RAB28: variants seen among roughly 807,000 people sequenced by gnomAD.
The protein encoded by RAB28 is ras-related protein Rab-28.
In RAB28, 24 loss-of-function variants were observed where a neutral mutation model predicts 31.7. The ratio of observed to expected loss-of-function variants is 0.76; its 90% CI spans 0.55 to 1.06. The LOEUF is 1.06. Among genes scored for constraint, RAB28 ranks in the 50% least tolerant of loss-of-function variants. The pLI is 0.00. For missense variants in RAB28, 254 were observed against 258.5 expected, an observed-to-expected ratio of 0.98 and a Z score of 0.12; for synonymous variants, 100 against 90.4, an observed-to-expected ratio of 1.11 and a Z score of -0.60.
chr4:13,378,073 C>T (rs1472153460), intron 5 of RAB28, among the ~76,000 whole-genome samples: 2 of 152,142 alleles, frequency 1.3e-5, no homozygotes, highest in Non-Finnish European at 2.9e-5. Context: ...TAAGAGTCTA[C>T]AGTTCAGGGG....
At chr4:13,478,799 T>G (rs1716479645) in intron 2 of RAB28, among the ~76,000 whole-genome samples, 1 of 151,724 alleles carries the variant, frequency 6.6e-6, no homozygotes, top group Non-Finnish European at 1.5e-5. Context: ...TTGTTATTAT[T>G]TCCCCGTATT....
chr4:13,437,511 GA>G lies in RAB28; in HGVS notation c.391+23187del, dbSNP rs372341356. On this transcript the variant is annotated intron_variant, in intron 4 of 6. Transcript: ENST00000330852. ...GAATCTGTAAGGAATTTAAGTCAAG[GA>G]AAAAAAAATAACCGCAACAAAAAGT... Among the ~76,000 whole-genome samples, 191 of 149,132 alleles carry G rather than the reference GA, an allele frequency of 1.3e-3. 2 individuals are homozygous for G. Among genetic ancestry groups the G allele is most frequent in the African/African-American group, 4.3e-3 (177 of 40,760 alleles).
chr4:13,438,218 A>C (rs555002631), intron 4 of RAB28, among the ~76,000 whole-genome samples: 1 of 152,332 alleles, frequency 6.6e-6, no homozygotes, highest in African/African-American at 2.4e-5. Flanking sequence ...CTATAAGACT[A>C]TAAACCATAT....
At chr4:13,438,268 T>A (rs901666028) in intron 4 of RAB28, among the ~76,000 whole-genome samples, 18 of 152,188 alleles carry the variant, frequency 1.2e-4, no homozygotes, top group African/African-American at 4.3e-4. Flanking sequence ...ATAGAATCTT[T>A]CAAAATTGAG....
intron 4 of RAB28, among the ~76,000 whole-genome samples, chr4:13,422,481 A>G (rs889209594): frequency 6.6e-6 from 1 of 152,218 alleles, no homozygotes; most frequent in African/African-American, 2.4e-5. Context: ...CACAATAGCA[A>G]AGACTTGGAA....
chr4:13,402,196 A>G (rs1711807903), intron 4 of RAB28, among the ~76,000 whole-genome samples: 1 of 152,220 alleles, frequency 6.6e-6, no homozygotes, highest in Admixed American at 6.5e-5. Flanking sequence ...TGCACTTGAA[A>G]GCATATATTC....
chr4:13,424,662 A>T (rs1713373669), intron 4 of RAB28, among the ~76,000 whole-genome samples: 1 of 152,126 alleles, frequency 6.6e-6, no homozygotes, highest in Admixed American at 6.5e-5. Context: ...GACTTTCCAA[A>T]TGTCACCAGA....
chr4:13,428,683 A>C (rs1713645336), intron 4 of RAB28, among the ~76,000 whole-genome samples: 1 of 152,194 alleles, frequency 6.6e-6, no homozygotes, highest in South Asian at 2.1e-4. Context: ...GTGGGAGAGC[A>C]CCAAGTATTC....
intron 4 of RAB28, among the ~76,000 whole-genome samples, chr4:13,432,088 G>GA (rs1345452263): frequency 6.6e-6 from 1 of 151,980 alleles, no homozygotes; most frequent in Non-Finnish European, 1.5e-5. Context: ...GCTATATTAA[G>GA]AAAAAACCAA....
intron 4 of RAB28, among the ~76,000 whole-genome samples, chr4:13,455,670 G>A (rs969716303): frequency 4.6e-5 from 7 of 152,222 alleles, no homozygotes. Flanking sequence ...CCGGAGCAAG[G>A]CAGCTGTGTG....
rs1729132746 is a variant in RAB28, at chr4:13,381,603, G to C, written c.392-9C>G. 6.3e-7 allele frequency: 1 copy of C among 1,590,906 alleles called. No homozygotes were observed. The highest frequency in any genetic ancestry group is 8.6e-7 in the Non-Finnish European group (1 of 1,164,786). ...CATATGCTCCAAATCAACTAGAAAG[G>C]TGTTAAAGAAAGAAAATAATTCAAT... On this transcript the variant is annotated splice_polypyrimidine_tract_variant and intron_variant, in intron 4 of 6. Transcript: ENST00000330852.
chr4:13,378,050 G>A (rs1487508518), intron 5 of RAB28, among the ~76,000 whole-genome samples: 4 of 152,138 alleles, frequency 2.6e-5, no homozygotes, highest in Admixed American at 6.5e-5. Flanking sequence ...GATGCTGAGC[G>A]GGCAGTTGGA....
At chr4:13,388,595 G>A (rs1729489070) in intron 4 of RAB28, among the ~76,000 whole-genome samples, 1 of 151,824 alleles carries the variant, frequency 6.6e-6, no homozygotes, top group African/African-American at 2.4e-5. Flanking sequence ...CTACAAAATG[G>A]GAGAAGATAT....
At chr4:13,407,413 C>T (rs370085351) in intron 4 of RAB28, among the ~76,000 whole-genome samples, 2 of 152,150 alleles carry the variant, frequency 1.3e-5, no homozygotes, top group Admixed American at 6.6e-5. Context: ...ACTGCAGCCC[C>T]GTAGTAGGAT....
chr4:13,469,269 T>C (rs867985026), intron 3 of RAB28, among the ~76,000 whole-genome samples: 1 of 152,142 alleles, frequency 6.6e-6, no homozygotes, highest in South Asian at 2.1e-4. Flanking sequence ...GTCATCTAAA[T>C]CCATCACCAT....
intron 4 of RAB28, among the ~76,000 whole-genome samples, chr4:13,454,855 A>T (rs963070267): frequency 1.1e-4 from 17 of 152,308 alleles, no homozygotes; most frequent in African/African-American, 4.1e-4. Flanking sequence ...ATGGCTACAC[A>T]GCTTCTCAGC....
At chr4:13,444,298 A>G (rs1458033914) in intron 4 of RAB28, among the ~76,000 whole-genome samples, 1 of 152,086 alleles carries the variant, frequency 6.6e-6, no homozygotes, top group Non-Finnish European at 1.5e-5. Flanking sequence ...AAGTGTTGGG[A>G]TTACAGACTT....
chr4:13,436,274 C>G (rs1336626486), intron 4 of RAB28, among the ~76,000 whole-genome samples: 1 of 152,100 alleles, frequency 6.6e-6, no homozygotes, highest in African/African-American at 2.4e-5. Flanking sequence ...AAACTGGAAG[C>G]AATCCCCGTA....
At chr4:13,460,013 G>A (rs776474335) in intron 4 of RAB28, 626 of 704,364 alleles carry the variant, frequency 8.9e-4, no homozygotes, top group Non-Finnish European at 1.2e-3. Context: ...AATAGACCAC[G>A]CATCAAAACA....
Sources: allele counts gnomAD v4.1 joint callset (sites outside exome capture counted in the v4.1 genomes callset), GRCh38; gene constraint gnomAD v4.1.1; transcripts MANE v1.5; gene names NCBI Gene and HGNC (gene_info 2026-07-23, HGNC 2026-07-21).